CDC42SE2: variants seen among roughly 807,000 people sequenced by gnomAD.
The protein encoded by CDC42SE2 is CDC42 small effector protein 2.
In CDC42SE2, 3 loss-of-function variants were observed where a neutral mutation model predicts 11.5. That is an observed-to-expected ratio of 0.26 (90% confidence interval 0.12 to 0.67). The LOEUF (loss-of-function observed/expected upper bound fraction) is 0.67. Among genes scored for constraint, CDC42SE2 ranks in the 30% least tolerant of loss-of-function variants. The pLI is 0.80. For synonymous variants in CDC42SE2, 33 were observed against 34.8 expected, an observed-to-expected ratio of 0.95 and a Z score of 0.18; for missense variants, 82 against 106.8, an observed-to-expected ratio of 0.77 and a Z score of 1.02.
At chr5:131,303,644 C>G (rs1456011023) in intron 1 of CDC42SE2, among the ~76,000 whole-genome samples, 1 of 152,172 alleles carries the variant, frequency 6.6e-6, no homozygotes, top group African/African-American at 2.4e-5. Flanking sequence ...ATCCTAACAT[C>G]CTGACCTCTG....
At chr5:131,250,871 G>C (rs1756633428) in intron 1 of CDC42SE2, among the ~76,000 whole-genome samples, 1 of 151,776 alleles carries the variant, frequency 6.6e-6, no homozygotes, top group South Asian at 2.1e-4. Context: ...AAGATCCCAG[G>C]GTCTCTTAAA....
intron 2 of CDC42SE2, among the ~76,000 whole-genome samples, chr5:131,326,616 C>T (rs893131346): frequency 3.3e-5 from 5 of 151,994 alleles, no homozygotes; most frequent in Admixed American, 3.3e-4. Flanking sequence ...CTTTTTCTCC[C>T]TCCATTTTCT....
intron 2 of CDC42SE2, among the ~76,000 whole-genome samples, chr5:131,347,673 A>G (rs913954005): frequency 3.9e-5 from 6 of 152,212 alleles, no homozygotes; most frequent in Non-Finnish European, 7.3e-5. Context: ...TCCTGATACT[A>G]AAGCCTGGCA....
intron 3 of CDC42SE2, among the ~76,000 whole-genome samples, chr5:131,378,044 T>C (rs923577060): frequency 6.6e-6 from 1 of 152,196 alleles, no homozygotes. Context: ...AATCAAACTG[T>C]AAGCAAGTAA....
At position 131,393,688 on chromosome 5, in the gene CDC42SE2, T is replaced by A. The variant is rs1309712049; in HGVS notation, c.*2597T>A. The A allele has an allele frequency of 6.6e-6, 1 of 152,284 alleles. No homozygotes were observed. The highest frequency in any genetic ancestry group is 1.5e-5 in the Non-Finnish European group (1 of 67,990). The allele number at this position is 152,284 out of a possible 1,614,324, so 9.4% of individuals were successfully genotyped here. A position where few individuals can be genotyped will look rare whatever the true frequency, so the allele number is the denominator to read the frequency against. ...TTATCAGCACTCATGCTATTTAGTCTACTTCTATTTTGACTGACTCTTTAA... is the reference window on the plus strand; with the variant it reads ...TTATCAGCACTCATGCTATTTAGTCAACTTCTATTTTGACTGACTCTTTAA... On this transcript the variant is annotated 3_prime_UTR_variant, in exon 5 of 5. Coordinates refer to ENST00000505065, the MANE Select transcript of CDC42SE2 (RefSeq NM_001375635.1).
chr5:131,287,683 A>C, intron 1 of CDC42SE2, among the ~76,000 whole-genome samples: 1 of 151,588 alleles, frequency 6.6e-6, no homozygotes, highest in East Asian at 1.9e-4. Context: ...CATGTTGCCC[A>C]GGCTGGTCTC....
intron 2 of CDC42SE2, among the ~76,000 whole-genome samples, chr5:131,343,472 G>A (rs1304933837): frequency 3.3e-5 from 5 of 152,124 alleles, no homozygotes; most frequent in Admixed American, 3.3e-4. Flanking sequence ...CAGCACCGTG[G>A]GAGGCCAGGG....
At chr5:131,345,613 G>A (rs1170983136) in intron 2 of CDC42SE2, among the ~76,000 whole-genome samples, 1 of 152,128 alleles carries the variant, frequency 6.6e-6, no homozygotes, top group Admixed American at 6.6e-5. Context: ...AACCTAGCAA[G>A]GCAGGCCAAC....
intron 1 of CDC42SE2, among the ~76,000 whole-genome samples, chr5:131,295,484 G>T (rs539833264): frequency 6.6e-6 from 1 of 152,118 alleles, no homozygotes; most frequent in East Asian, 1.9e-4. Flanking sequence ...TGGTCTCCAA[G>T]ACACATGTGA....
the CDC42SE2 span, among the ~76,000 whole-genome samples, chr5:131,231,456 A>C: frequency 2.4e-4 from 37 of 152,336 alleles, no homozygotes; most frequent in Non-Finnish European, 4.4e-4. Context: ...AACAAAAAAA[A>C]CATGTATTGT....
chr5:131,271,089 G>C (rs1193528403), intron 1 of CDC42SE2, among the ~76,000 whole-genome samples: 2 of 152,194 alleles, frequency 1.3e-5, no homozygotes, highest in Non-Finnish European at 2.9e-5. Flanking sequence ...TGTCTAGGAA[G>C]CTCCAGCTAT....
intron 1 of CDC42SE2, among the ~76,000 whole-genome samples, chr5:131,253,791 A>G (rs563377432): frequency 6.6e-6 from 1 of 152,264 alleles, no homozygotes; most frequent in African/African-American, 2.4e-5. Flanking sequence ...TAAAAAAAGA[A>G]CTTCTTACAA....
At chr5:131,352,553 A>G (rs1749373867) in intron 2 of CDC42SE2, among the ~76,000 whole-genome samples, 1 of 152,210 alleles carries the variant, frequency 6.6e-6, no homozygotes, top group South Asian at 2.1e-4. Flanking sequence ...TTATATGTGC[A>G]TCCCTACCTC....
At chr5:131,251,819 G>A (rs2149683331) in intron 1 of CDC42SE2, among the ~76,000 whole-genome samples, 1 of 152,194 alleles carries the variant, frequency 6.6e-6, no homozygotes, top group African/African-American at 2.4e-5. Context: ...TTCGGGACCA[G>A]CCTAGACACA....
the CDC42SE2 span, among the ~76,000 whole-genome samples, chr5:131,227,280 T>C: frequency 5.3e-5 from 8 of 152,060 alleles, no homozygotes; most frequent in Non-Finnish European, 7.3e-5. Context: ...AATAATACTA[T>C]AATAATTACA....
At chr5:131,281,018 G>A (rs982081339) in intron 1 of CDC42SE2, among the ~76,000 whole-genome samples, 10 of 152,114 alleles carry the variant, frequency 6.6e-5, no homozygotes, top group Admixed American at 3.3e-4. Flanking sequence ...GCATTCTTTG[G>A]AAATCACCAG....
chr5:131,333,456 T>G (rs1758472377), intron 2 of CDC42SE2, among the ~76,000 whole-genome samples: 1 of 152,192 alleles, frequency 6.6e-6, no homozygotes, highest in Non-Finnish European at 1.5e-5. Flanking sequence ...GCAGGCTCTC[T>G]TTTGGTTCCA....
intron 1 of CDC42SE2, among the ~76,000 whole-genome samples, chr5:131,296,322 C>G (rs770570952): frequency 6.6e-6 from 1 of 152,132 alleles, no homozygotes; most frequent in Non-Finnish European, 1.5e-5. Flanking sequence ...CAAATGGAGG[C>G]TGTATTCATT....
At chr5:131,302,325 A>G (rs966558345) in intron 1 of CDC42SE2, among the ~76,000 whole-genome samples, 5 of 152,124 alleles carry the variant, frequency 3.3e-5, no homozygotes, top group Non-Finnish European at 7.4e-5. Context: ...GATTATAGGC[A>G]TGCACCACCA....
Sources: allele counts gnomAD v4.1 joint callset (sites outside exome capture counted in the v4.1 genomes callset), GRCh38; gene constraint gnomAD v4.1.1; transcripts MANE v1.5; gene names NCBI Gene and HGNC (gene_info 2026-07-23, HGNC 2026-07-21).